NXN: variants seen among roughly 807,000 people sequenced by gnomAD.
The protein encoded by NXN is nucleoredoxin, also known as nucleoredoxin 1.
A neutral mutation model predicts 48.6 loss-of-function variants in NXN; 16 were observed. That is an observed-to-expected ratio of 0.33 (90% CI 0.22 to 0.50). The LOEUF (loss-of-function observed/expected upper bound fraction) is 0.50, where lower values mean the gene tolerates loss of function less well. NXN is among the 20% of genes least tolerant of loss of function. The pLI is 0.98. For missense variants in NXN, 492 were observed against 605.5 expected, an observed-to-expected ratio of 0.81 and a Z score of 1.97; for synonymous variants, 281 against 269.6, an observed-to-expected ratio of 1.04 and a Z score of -0.41.
At chr17:927,218 T>C (rs1597248365) in intron 1 of NXN, among the ~76,000 whole-genome samples, 1 of 150,382 alleles carries the variant, frequency 6.6e-6, no homozygotes, top group African/African-American at 2.5e-5. Flanking sequence ...GAAGCGGAGG[T>C]TGCAGTGAGC....
chr17:839,808 A>AAAAAAAAAAAAAAAAAAAAAAAAAAC (rs1352197383), intron 1 of NXN, among the ~76,000 whole-genome samples: 12 of 143,800 alleles, frequency 8.3e-5, no homozygotes, highest in African/African-American at 2.7e-4. Flanking sequence ...AAAAAAAAAA[A>AAAAAAAAAAAAAAAAAAAAAAAAAAC]AAAAAAGGCC....
chr17:846,032 A>G lies in NXN; in HGVS notation c.361-19954T>C, dbSNP rs1052674107. ...GGGAGGCGGAGGTTGCAGTGAGCCGAGATCACACCACTGCACTCCAGCCTG... is the reference window on the plus strand; with the variant it reads ...GGGAGGCGGAGGTTGCAGTGAGCCGGGATCACACCACTGCACTCCAGCCTG... On this transcript the variant is annotated intron_variant, in intron 1 of 7. Transcript: ENST00000336868. Among the ~76,000 whole-genome samples, 26 of 152,154 alleles carry G rather than the reference A, an allele frequency of 1.7e-4. 1 individual carries two copies. The highest frequency in any genetic ancestry group is 1.0e-3 in the Admixed American group (16 of 15,286).
chr17:848,145 G>GT (rs34184498), intron 1 of NXN, among the ~76,000 whole-genome samples: 18,311 of 148,436 alleles, frequency 0.12, 1,420 homozygotes, highest in East Asian at 0.31. Flanking sequence ...TTCCTGTTTT[G>GT]TTTTTTTTTT....
chr17:891,606 C>T (rs1346663922), intron 1 of NXN, among the ~76,000 whole-genome samples: 5 of 152,210 alleles, frequency 3.3e-5, no homozygotes, highest in South Asian at 2.1e-4. Context: ...TGCTTCAACA[C>T]GGGGGACCTC....
At chr17:937,098 T>C (rs1056662314) in intron 1 of NXN, among the ~76,000 whole-genome samples, 1 of 151,944 alleles carries the variant, frequency 6.6e-6, no homozygotes, top group Admixed American at 6.6e-5. Flanking sequence ...TCCTCCCACC[T>C]CGGTGTCCTG....
intron 1 of NXN, among the ~76,000 whole-genome samples, chr17:873,767 A>C (rs1045253803): frequency 6.6e-6 from 1 of 152,170 alleles, no homozygotes; most frequent in Admixed American, 6.5e-5. Context: ...CAGTTTATTA[A>C]GGAAAAATGT....
Position 897,894 on chromosome 17 carries a change from T to C in NXN, c.361-71816A>G, listed in dbSNP as rs143082099. Among the ~76,000 whole-genome samples the C allele has an allele frequency of 1.9e-3, 286 of 152,354 alleles. 6 individuals carry two copies. The East Asian group carries it at 0.041, about 22-fold the overall frequency. On this transcript the variant is annotated intron_variant, in intron 1 of 7. Transcript: ENST00000336868. ...TGGGGTTTCACCGTGTTGGCCAGGC[T>C]GGTCTCGAACTCCTCACCTCAGGTG... is the stretch of plus-strand genomic sequence containing the variant.
chr17:955,758 C>T (rs62067253), intron 1 of NXN, among the ~76,000 whole-genome samples: 27,368 of 151,682 alleles, frequency 0.18, 4,323 homozygotes, highest in African/African-American at 0.42. Flanking sequence ...AAAAATTAGC[C>T]GGGCGTGGTG....
At chr17:843,320 T>C (rs1033087298) in intron 1 of NXN, among the ~76,000 whole-genome samples, 3 of 152,252 alleles carry the variant, frequency 2.0e-5, no homozygotes, top group Non-Finnish European at 4.4e-5. Context: ...TTCGACTTCC[T>C]GCCCTCATGG....
intron 5 of NXN, among the ~76,000 whole-genome samples, chr17:812,861 GGTGTGTGT>G (rs68154102): frequency 1.3e-5 from 2 of 148,582 alleles, no homozygotes; most frequent in Non-Finnish European, 3.0e-5. Flanking sequence ...CATGTGTGTA[GGTGTGTGT>G]GGGTGTGTGC....
At chr17:968,677 C>T (rs932522083) in intron 1 of NXN, among the ~76,000 whole-genome samples, 3 of 152,242 alleles carry the variant, frequency 2.0e-5, no homozygotes, top group Admixed American at 6.5e-5. Flanking sequence ...GTGGCTCACG[C>T]CTGTAATCCC....
At chr17:914,826 A>T (rs1170699472) in intron 1 of NXN, among the ~76,000 whole-genome samples, 2 of 152,180 alleles carry the variant, frequency 1.3e-5, no homozygotes, top group Admixed American at 6.5e-5. Context: ...CCCCTGGAGG[A>T]GCTGATGAGT....
chr17:801,770 A>C (rs1183125770), intron 7 of NXN, among the ~76,000 whole-genome samples: 2 of 152,142 alleles, frequency 1.3e-5, no homozygotes, highest in Non-Finnish European at 2.9e-5. Context: ...CTGATTGTTT[A>C]TTTTTGTAAC....
intron 1 of NXN, among the ~76,000 whole-genome samples, chr17:854,414 T>A (rs1164376590): frequency 2.3e-5 from 3 of 129,852 alleles, no homozygotes; most frequent in East Asian, 2.3e-4. Context: ...TTTGGGAGGC[T>A]GAGGCGGGCG....
intron 1 of NXN, among the ~76,000 whole-genome samples, chr17:955,733 A>G (rs1181002650): frequency 2.5e-4 from 37 of 149,110 alleles, no homozygotes; most frequent in Admixed American, 1.1e-3. Context: ...TGTCTCTACT[A>G]AAAAAAAATA....
intron 1 of NXN, among the ~76,000 whole-genome samples, chr17:835,182 C>G (rs1913737947): frequency 6.6e-6 from 1 of 151,608 alleles, no homozygotes; most frequent in Non-Finnish European, 1.5e-5. Flanking sequence ...GTGACGGGTG[C>G]CTGTACTCCC....
chr17:869,110 C>T (rs2144801616), intron 1 of NXN, among the ~76,000 whole-genome samples: 1 of 152,300 alleles, frequency 6.6e-6, no homozygotes, highest in East Asian at 1.9e-4. Flanking sequence ...ACAGATGAAC[C>T]TCTAGACTTG....
rs567432488 is a variant in NXN at position 831,000 on chromosome 17, CA to C, written c.361-4923del. The stretch of plus-strand genomic sequence containing the variant: ...GGGCAACAAGAGCGAAACTCCGTCT[CA>C]AAAAAAAAAAAAAAACATGCTCTAA... On this transcript the variant is annotated intron_variant, in intron 1 of 7. Transcript: ENST00000336868. The surrounding 1 kb of genome is among the most constrained non-coding windows in gnomAD (Gnocchi z 4.2). Among the ~76,000 whole-genome samples, 148 of 108,248 alleles carry C rather than the reference CA, an allele frequency of 1.4e-3. 2 individuals carry two copies. Among genetic ancestry groups the C allele is most frequent in the Middle Eastern group, 5.0e-3 (1 of 202 alleles). 71.0% of individuals were successfully genotyped at this position (108,248 alleles called of 152,430 possible).
intron 1 of NXN, among the ~76,000 whole-genome samples, chr17:904,688 C>T (rs867357490): frequency 3.3e-5 from 5 of 152,098 alleles, no homozygotes; most frequent in South Asian, 4.1e-4. Flanking sequence ...GGATTACAGG[C>T]GCATGCAATC....
Sources: allele counts gnomAD v4.1 joint callset (sites outside exome capture counted in the v4.1 genomes callset), GRCh38; gene constraint gnomAD v4.1.1; non-coding constraint Gnocchi (gnomAD v3.1); transcripts MANE v1.5; gene names NCBI Gene and HGNC (gene_info 2026-07-23, HGNC 2026-07-21).